Variants in ATP1A2 observed in about 807,000 individuals in gnomAD.
ATP1A2 encodes sodium/potassium-transporting ATPase subunit alpha-2.
ATP1A2 carries 56 observed loss-of-function variants against 113.1 expected under a neutral mutation model. The ratio of observed to expected loss-of-function variants is 0.49; its 90% confidence interval spans 0.40 to 0.62. The LOEUF (loss-of-function observed/expected upper bound fraction) is 0.62. Among genes scored for constraint, ATP1A2 ranks in the 20% least tolerant of loss-of-function variants. The pLI, the probability that ATP1A2 is intolerant of heterozygous loss-of-function variation, is 0.00. For synonymous variants in ATP1A2, 490 were observed against 526.8 expected (o/e 0.93, Z 0.96); for missense variants, 712 against 1,357.8 (o/e 0.52, Z 7.47).
intron 7 of ATP1A2, among the ~76,000 whole-genome samples, chr1:160,126,607 T>A (rs955804104): frequency 6.6e-6 from 1 of 152,148 alleles, no homozygotes; most frequent in Admixed American, 6.5e-5. Flanking sequence ...TATTTGGGAC[T>A]ACAGGCGCGT....
At chr1:160,140,778 G>C (rs1320592863) in intron 22 of ATP1A2, 1 of 186,466 alleles carries the variant, frequency 5.4e-6, no homozygotes, top group African/African-American at 2.4e-5. Flanking sequence ...CCTAAAGGCA[G>C]GTTCACCCTC....
intron 13 of ATP1A2, 62 bp downstream of exon 13, chr1:160,130,659 C>A: frequency 6.2e-7 from 1 of 1,609,280 alleles, no homozygotes; most frequent in Non-Finnish European, 8.5e-7. Flanking sequence ...CAAGGAGCTG[C>A]AGTGGCTGCT....
At chr1:160,130,684 C>A in intron 13 of ATP1A2, 87 bp downstream of exon 13, 2 of 1,578,766 alleles carry the variant, frequency 1.3e-6, no homozygotes, top group African/African-American at 1.3e-5. Flanking sequence ...TGGAAAGGCC[C>A]AGGCCACGGT....
At position 160,127,644 on chromosome 1, in the gene ATP1A2, C is replaced by T. The variant is rs751809252; in HGVS notation, c.841C>T (p.Pro281Ser). Residue 281 changes from proline to serine, a missense_variant, in exon 8 of 23, where the codon CCC becomes TCC. Around this residue, in one of 6 missense-constraint regions of ATP1A2, gnomAD observed 99 missense variants for 180.4 expected, o/e 0.55. Transcript: ENST00000361216. Reference sequence around the variant, plus strand: ...CTCAGGCCTGGAGGTTGGGCGGACACCCATAGCAATGGAGATTGAACACTT... The same window carrying T: ...CTCAGGCCTGGAGGTTGGGCGGACATCCATAGCAATGGAGATTGAACACTT... ...LASGLEVGRT[P>S]IAMEIEHFIQ... 1.2e-6 allele frequency: 2 copies of T among 1,614,250 alleles called. No individual in the cohort carries two copies. The highest frequency in any genetic ancestry group is 1.7e-6 in the Non-Finnish European group (2 of 1,180,046).
chr1:160,121,169 G>A, intron 2 of ATP1A2, 23 bp from the exon 3 acceptor site: 1 of 1,614,088 alleles, frequency 6.2e-7, no homozygotes, highest in Non-Finnish European at 8.5e-7. Flanking sequence ...CCTCCCCAAA[G>A]TAACTCACCC....
rs1045304439 is a variant in ATP1A2, at chr1:160,140,846, C to CTTTT, written c.3035-422_3035-419dup. ...ACCTCCTTCTCCTCCCTTTCACCTT[C>CTTTT]TTTTTTTTTTTTTTTTTTTTTTTTT... On this transcript the variant is annotated intron_variant, in intron 22 of 22. Coordinates refer to ENST00000361216, the MANE Select transcript of ATP1A2 (RefSeq NM_000702.4). 3.1e-3 allele frequency: 266 copies of CTTTT among 87,104 alleles called. 32 individuals are homozygous for CTTTT. The highest frequency in any genetic ancestry group is 4.7e-3 in the African/African-American group (86 of 18,110). The allele number at this position is 87,104 out of a possible 1,614,324, so 5.4% of individuals were successfully genotyped here. A position where few individuals can be genotyped will look rare whatever the true frequency, so the allele number is the denominator to read the frequency against.
intron 17 of ATP1A2, 83 bp downstream of exon 17, chr1:160,136,076 G>A (rs1287333138): frequency 2.5e-6 from 4 of 1,606,630 alleles, no homozygotes; most frequent in Non-Finnish European, 3.4e-6. Context: ...CTGGGGCAGT[G>A]GCCCCAGCTG....
intron 18 of ATP1A2, 47 bp downstream of exon 18, chr1:160,136,417 T>C (rs1243668541): frequency 2.1e-5 from 34 of 1,612,920 alleles, no homozygotes; most frequent in Non-Finnish European, 2.9e-5. Context: ...CAGGGTTCTT[T>C]TCCCAGCTTT....
chr1:160,125,202 A>G lies in ATP1A2; in HGVS notation c.697A>G (p.Asn233Asp). ...QTRSPEFTHENPLETRNICFF... is the reference protein window; with the variant it reads ...QTRSPEFTHEDPLETRNICFF... ...CCGCTCCCCCGAGTTCACCCATGAG[A>G]ACCCCCTGGAGACCCGCAATATCTG... Residue 233 changes from asparagine to aspartate, a missense_variant, in exon 7 of 23, where the codon AAC becomes GAC. By Grantham distance (23) the Asn-to-Asp change is conservative. This residue lies in a region of ATP1A2 where 99 missense variants were observed against 180.4 expected (regional missense o/e 0.55). Transcript: ENST00000361216. 1 of 1,614,138 alleles carries G rather than the reference A, an allele frequency of 6.2e-7. No homozygotes were observed. The highest frequency in any genetic ancestry group is 8.5e-7 in the Non-Finnish European group (1 of 1,180,026).
In ATP1A2 at chr1:160,137,011, A is replaced by G; in HGVS notation, c.2820A>G (p.Ser940=). The change falls in exon 20 of 23, where the codon TCA becomes TCG. Residue 940 remains serine, a synonymous_variant. Coordinates refer to ENST00000361216, the MANE Select transcript of ATP1A2 (RefSeq NM_000702.4). ...DLIICKTRRN[S]VFQQGMKNKI... ...TCATCTGCAAGACCCGCCGCAACTCAGTCTTCCAGCAGGGCATGAAGTGAG... is the reference window on the plus strand; with the variant it reads ...TCATCTGCAAGACCCGCCGCAACTCGGTCTTCCAGCAGGGCATGAAGTGAG... 1 of 1,614,170 alleles carries G rather than the reference A, an allele frequency of 6.2e-7. No homozygotes were observed. The highest frequency in any genetic ancestry group is 8.5e-7 in the Non-Finnish European group (1 of 1,180,034).
chr1:160,139,345 C>A (rs1485775576), intron 20 of ATP1A2, among the ~76,000 whole-genome samples: 1 of 151,846 alleles, frequency 6.6e-6, no homozygotes, highest in African/African-American at 2.4e-5. Flanking sequence ...TGAGACAGGC[C>A]CCATGTTGAC....
At chr1:160,123,061 GT>G in intron 3 of ATP1A2, 151 bp from the exon 4 acceptor site, 1 of 826,372 alleles carries the variant, frequency 1.2e-6, no homozygotes, top group East Asian at 2.7e-5. Context: ...CCTCCTCCAT[GT>G]GGTCTCTCCT....
chr1:160,120,990 C>T lies in ATP1A2; in HGVS notation c.97C>T (p.Leu33=). ...ACAGAAGGAGAAGGAACTGGATGAG[C>T]TGAAGAAGGAGGTGGCAATGGTGAG... ...KKQKEKELDE[L]KKEVAMDDHK... Residue 33 remains leucine, a synonymous_variant, in exon 2 of 23, where the codon CTG becomes TTG. Transcript: ENST00000361216. The T allele has an allele frequency of 6.2e-7, 1 of 1,613,864 alleles. No individual in the cohort carries two copies. Among genetic ancestry groups the T allele is most frequent in the Non-Finnish European group, 8.5e-7 (1 of 1,179,864 alleles).
Position 160,130,275 on chromosome 1 carries a change from TG to T in ATP1A2, c.1639del (p.Glu547SerfsTer9), listed in dbSNP as rs1651730901. On this transcript the variant is annotated frameshift_variant, in exon 12 of 23. Coordinates refer to ENST00000361216, the MANE Select transcript of ATP1A2 (RefSeq NM_000702.4). LOFTEE classifies it high-confidence loss of function. ...QNAYMELGGL[G>X]ERVLGFCQLN... ...ATGCCTACATGGAGCTGGGGGGACT[TG>T]GGGAGCGTGTGCTGGGTGAGAGGCC... The T allele has an allele frequency of 6.2e-7, 1 of 1,614,030 alleles. No homozygotes were observed. The highest frequency in any genetic ancestry group is 8.5e-7 in the Non-Finnish European group (1 of 1,179,992).
At chr1:160,138,364 G>A (rs1436493016) in intron 20 of ATP1A2, among the ~76,000 whole-genome samples, 4 of 152,250 alleles carry the variant, frequency 2.6e-5, no homozygotes, top group Non-Finnish European at 5.9e-5. Flanking sequence ...GTTCTGTCTG[G>A]AAGCCATGGA....
Position 160,123,976 on chromosome 1 carries a change from A to C in ATP1A2, c.415A>C (p.Ile139Leu). ...GGGTGTGGTGCTGGCAGCTGTGGTC[A>C]TTGTCACTGGCTGCTTCTCCTACTA... ...YLGVVLAAVV[I>L]VTGCFSYYQE... Residue 139 changes from isoleucine (I) to leucine (L), a missense_variant, in exon 5 of 23, where the codon ATT becomes CTT. Around this residue, in one of 6 missense-constraint regions of ATP1A2, gnomAD observed 9 missense variants for 42.6 expected, o/e 0.21. Transcript: ENST00000361216. The C allele has an allele frequency of 6.2e-7, 1 of 1,614,164 alleles. No homozygotes were observed. The highest frequency in any genetic ancestry group is 8.5e-7 in the Non-Finnish European group (1 of 1,180,028).
chr1:160,131,123 T>A (rs990023827), intron 13 of ATP1A2, among the ~76,000 whole-genome samples: 1 of 152,108 alleles, frequency 6.6e-6, no homozygotes, highest in Non-Finnish European at 1.5e-5. Context: ...TTTACTATGT[T>A]TCAGACACTG....
intron 14 of ATP1A2, 145 bp downstream of exon 14, chr1:160,134,765 C>T (rs1030841089): frequency 2.4e-6 from 3 of 1,263,048 alleles, no homozygotes; most frequent in Non-Finnish European, 2.2e-6. Flanking sequence ...GGTTCCTCAG[C>T]CCTGAGCTTG....
intron 7 of ATP1A2, 147 bp from the exon 8 acceptor site, chr1:160,127,405 A>G: frequency 9.2e-7 from 1 of 1,082,460 alleles, no homozygotes; most frequent in Non-Finnish European, 1.4e-6. Context: ...AGGAAGGCCA[A>G]GTGGGGACAA....
Sources: allele counts gnomAD v4.1 joint callset (sites outside exome capture counted in the v4.1 genomes callset), GRCh38; gene constraint gnomAD v4.1.1; regional missense constraint gnomAD v4.1.1; transcripts MANE v1.5; gene names NCBI Gene and HGNC (gene_info 2026-07-23, HGNC 2026-07-21).